Variants in PKP4 observed in about 807,000 individuals in gnomAD.
PKP4 encodes the protein plakophilin 4.
Under a neutral mutation model 145.1 loss-of-function variants are expected in PKP4, and 90 were observed. That is an observed-to-expected ratio of 0.62 (90% CI 0.52 to 0.74). The LOEUF (loss-of-function observed/expected upper bound fraction) is 0.74, where lower values mean the gene tolerates loss of function less well. Among genes scored for constraint, PKP4 ranks in the 30% least tolerant of loss-of-function variants. The pLI, the probability that PKP4 is intolerant of heterozygous loss-of-function variation, is 0.00. For missense variants in PKP4, 1,340 were observed against 1,482.7 expected, an observed-to-expected ratio of 0.90 and a Z score of 1.58; for synonymous variants, 563 against 577.2, an observed-to-expected ratio of 0.98 and a Z score of 0.35.
chr2:158,674,009 G>C lies in PKP4; in HGVS notation c.3127+9G>C, dbSNP rs199510964. ...ACCCATCATTCAGTCAGGTCAGTGGGAAAATGCCACTCCTTGGCGAGAACC... is the reference window on the plus strand; with the variant it reads ...ACCCATCATTCAGTCAGGTCAGTGGCAAAATGCCACTCCTTGGCGAGAACC... On this transcript the variant is annotated intron_variant, in intron 19 of 21. Transcript: ENST00000389759. The C allele has an allele frequency of 2.4e-5, 34 of 1,411,698 alleles. No individual in the cohort carries two copies. The Admixed American group carries it at 5.2e-4, about 22-fold the overall frequency. 87.4% of individuals were successfully genotyped at this position (1,411,698 alleles called of 1,614,324 possible).
chr2:158,594,719 G>C (rs2105828153), intron 3 of PKP4, among the ~76,000 whole-genome samples: 1 of 152,220 alleles, frequency 6.6e-6, no homozygotes, highest in Non-Finnish European at 1.5e-5. Context: ...GATTGTGAAT[G>C]GACACTAAGT....
intron 12 of PKP4, chr2:158,659,236 CAA>C (rs935514428): frequency 1.3e-5 from 2 of 152,536 alleles, no homozygotes; most frequent in African/African-American, 4.8e-5. Context: ...GGGGAGGTAA[CAA>C]GAGTCAGGAT....
At chr2:158,656,527 G>A (rs2055944688) in intron 11 of PKP4, among the ~76,000 whole-genome samples, 1 of 152,156 alleles carries the variant, frequency 6.6e-6, no homozygotes, top group South Asian at 2.1e-4. Context: ...GTGTCCTGAA[G>A]GCTGTAGTTA....
chr2:158,583,199 A>G (rs941989821), intron 3 of PKP4, among the ~76,000 whole-genome samples: 2 of 151,636 alleles, frequency 1.3e-5, no homozygotes, highest in African/African-American at 4.8e-5. Flanking sequence ...TCCCTGCAAT[A>G]TCATTGATGG....
chr2:158,577,303 G>C lies in PKP4; in HGVS notation c.165G>C (p.Leu55=). Residue 55 remains leucine, a synonymous_variant, in exon 3 of 22, where the codon CTG becomes CTC. Transcript: ENST00000389759. The part of the protein sequence containing the change: ...ELQFQRLTRE[L]EVERQIVASQ... ...AGTTTCAGCGACTCACCCGAGAACT[G>C]GAAGTGGAAAGGCAGATTGTTGCCA... The C allele has an allele frequency of 6.2e-7, 1 of 1,613,592 alleles. No homozygotes were observed. The highest frequency in any genetic ancestry group is 8.5e-7 in the Non-Finnish European group (1 of 1,179,802).
At chr2:158,606,143 CACA>C (rs1254562478) in intron 4 of PKP4, among the ~76,000 whole-genome samples, 1 of 152,102 alleles carries the variant, frequency 6.6e-6, no homozygotes, top group Non-Finnish European at 1.5e-5. Context: ...ATTGCTAGGT[CACA>C]TGGTAACTCT....
chr2:158,544,266 T>C (rs1559301438), intron 2 of PKP4, among the ~76,000 whole-genome samples: 1 of 152,118 alleles, frequency 6.6e-6, no homozygotes, highest in Non-Finnish European at 1.5e-5. Flanking sequence ...GCCTATTACA[T>C]AGGGGCATCG....
At chr2:158,550,086 AAAG>A (rs1359038123) in intron 2 of PKP4, among the ~76,000 whole-genome samples, 3 of 102,438 alleles carry the variant, frequency 2.9e-5, no homozygotes, top group Non-Finnish European at 8.3e-5. Flanking sequence ...TCTGCTCTCT[AAAG>A]AAGGTTACAT....
In PKP4 at chr2:158,526,737, C is replaced by T. The variant is rs1462784794; in HGVS notation, c.-5-6443C>T. Among the ~76,000 whole-genome samples, 6 of 81,514 alleles carry T rather than the reference C, an allele frequency of 7.4e-5. 2 individuals carry two copies. Among genetic ancestry groups the T allele is most frequent in the Non-Finnish European group, 1.4e-4 (6 of 42,462 alleles). The allele number at this position is 81,514 out of a possible 152,430, so 53.5% of individuals were successfully genotyped here. On this transcript the variant is annotated intron_variant, in intron 1 of 21. Transcript: ENST00000389759. ...ACATGATTGTTTATCTAGAAAACCC[C>T]ATTGTCTCAGCCCAAAATCTCCTTA...
intron 9 of PKP4, among the ~76,000 whole-genome samples, chr2:158,634,505 T>C (rs541173926): frequency 1.3e-5 from 2 of 152,346 alleles, no homozygotes; most frequent in East Asian, 3.9e-4. Flanking sequence ...CCTTTCATAA[T>C]AAGTTAGAGA....
intron 11 of PKP4, among the ~76,000 whole-genome samples, chr2:158,656,310 C>T (rs1285319804): frequency 4.6e-5 from 7 of 152,128 alleles, no homozygotes; most frequent in Non-Finnish European, 1.0e-4. Context: ...AGAAATAGCT[C>T]CAACTGTAGA....
chr2:158,505,805 G>A (rs1038517025), intron 1 of PKP4, among the ~76,000 whole-genome samples: 7 of 152,002 alleles, frequency 4.6e-5, no homozygotes, highest in Admixed American at 4.6e-4. Context: ...CAAGTGTAGA[G>A]GTAGTTGCAG....
chr2:158,571,577 A>G (rs1354683898), intron 2 of PKP4, among the ~76,000 whole-genome samples: 2 of 152,168 alleles, frequency 1.3e-5, no homozygotes, highest in Non-Finnish European at 1.5e-5. Flanking sequence ...AAAGAACTAC[A>G]TTTCAATTAA....
intron 7 of PKP4, among the ~76,000 whole-genome samples, chr2:158,628,381 T>TTA (rs1163491635): frequency 6.6e-6 from 1 of 152,222 alleles, no homozygotes. Context: ...TTCATTTTAC[T>TTA]TAATCTACAG....
At chr2:158,610,113 A>G (rs531779845) in intron 4 of PKP4, among the ~76,000 whole-genome samples, 1 of 152,274 alleles carries the variant, frequency 6.6e-6, no homozygotes, top group Non-Finnish European at 1.5e-5. Context: ...ACATATTTGC[A>G]TTCTAAAAAT....
intron 4 of PKP4, among the ~76,000 whole-genome samples, chr2:158,615,889 G>T (rs1263930483): frequency 1.3e-5 from 2 of 152,116 alleles, no homozygotes; most frequent in African/African-American, 2.4e-5. Flanking sequence ...TAGAGCCATT[G>T]CCTGATTAAT....
At chr2:158,511,507 A>G (rs553317550) in intron 1 of PKP4, among the ~76,000 whole-genome samples, 1 of 152,360 alleles carries the variant, frequency 6.6e-6, no homozygotes, top group South Asian at 2.1e-4. Flanking sequence ...TACAAAACAA[A>G]TGTTCTATCC....
chr2:158,506,410 C>T (rs569501301), intron 1 of PKP4, among the ~76,000 whole-genome samples: 6 of 152,320 alleles, frequency 3.9e-5, no homozygotes, highest in South Asian at 4.1e-4. Context: ...CTCAGTTAGA[C>T]GATCACCAAG....
chr2:158,516,903 C>T (rs1265524385), intron 1 of PKP4, among the ~76,000 whole-genome samples: 11 of 152,080 alleles, frequency 7.2e-5, no homozygotes, highest in Admixed American at 2.0e-4. Context: ...CCTCATGATC[C>T]GCCTGCCTCA....
Sources: allele counts gnomAD v4.1 joint callset (sites outside exome capture counted in the v4.1 genomes callset), GRCh38; gene constraint gnomAD v4.1.1; transcripts MANE v1.5; gene names NCBI Gene and HGNC (gene_info 2026-07-23, HGNC 2026-07-21).